Variants in PIWIL3 observed in about 807,000 individuals in gnomAD.
PIWIL3 encodes piwi like RNA-mediated gene silencing 3.
In PIWIL3, 101 loss-of-function variants were observed where a neutral mutation model predicts 109.7. The ratio of observed to expected loss-of-function variants is 0.92; its 90% confidence interval spans 0.78 to 1.09. The LOEUF (loss-of-function observed/expected upper bound fraction) is 1.09, where lower values mean the gene tolerates loss of function less well. Among genes scored for constraint, PIWIL3 ranks in the 50% least tolerant of loss-of-function variants. The pLI is 0.00. For missense variants in PIWIL3, 1,031 were observed against 1,072.6 expected (o/e 0.96, Z 0.54); for synonymous variants, 373 against 376.4 (o/e 0.99, Z 0.10).
At chr22:24,755,721 C>T in intron 6 of PIWIL3, 63 bp downstream of exon 6, 2 of 1,594,910 alleles carry the variant, frequency 1.3e-6, no homozygotes, top group Non-Finnish European at 1.7e-6. Context: ...TGGCTGTATT[C>T]CACACCACTA....
At chr22:24,745,829 A>C (rs1450884954) in intron 12 of PIWIL3, among the ~76,000 whole-genome samples, 1 of 152,066 alleles carries the variant, frequency 6.6e-6, no homozygotes. Flanking sequence ...TACTATGAGC[A>C]ACTATATGCC....
intron 5 of PIWIL3, 84 bp from the exon 6 acceptor site, chr22:24,755,989 C>T: frequency 6.9e-7 from 1 of 1,442,640 alleles, no homozygotes; most frequent in African/African-American, 1.4e-5. Flanking sequence ...CACCATGTCA[C>T]CTGGCTATCC....
At chr22:24,761,132 G>A (rs991510011) in intron 2 of PIWIL3, among the ~76,000 whole-genome samples, 20 of 152,186 alleles carry the variant, frequency 1.3e-4, no homozygotes, top group South Asian at 2.1e-4. Flanking sequence ...ACGGACACCC[G>A]TGGGGGTGTT....
chr22:24,744,188 A>ATT (rs1924195227), intron 12 of PIWIL3, among the ~76,000 whole-genome samples: 3 of 145,822 alleles, frequency 2.1e-5, no homozygotes, highest in East Asian at 2.0e-4. Flanking sequence ...TAAAAAAAAA[A>ATT]AAAAAAAAAA....
At chr22:24,723,047 G>T in intron 19 of PIWIL3, 83 bp downstream of exon 19, 4 of 1,452,106 alleles carry the variant, frequency 2.8e-6, no homozygotes, top group Non-Finnish European at 3.8e-6. Context: ...TTAAGGTAAA[G>T]TTATTGGAAT....
chr22:24,745,732 A>C (rs1468798359), intron 12 of PIWIL3, among the ~76,000 whole-genome samples: 1 of 151,164 alleles, frequency 6.6e-6, no homozygotes, highest in East Asian at 1.9e-4. Context: ...AAAAAAAAAA[A>C]AAAAAAGAAG....
In PIWIL3 at chr22:24,728,724, T is replaced by G. The variant is rs568507017; in HGVS notation, c.1708-350A>C. Among the ~76,000 whole-genome samples, 3 of 152,322 alleles carry G rather than the reference T, an allele frequency of 2.0e-5. 1 individual carries two copies. Among genetic ancestry groups the G allele is most frequent in the African/African-American group, 7.2e-5 (3 of 41,576 alleles). ...TTGTAAATTATAGTTAACATTGTTA[T>G]AAATTACAATTATAAATTACATCAA... On this transcript the variant is annotated intron_variant, in intron 14 of 20. Coordinates refer to ENST00000616349, the MANE Select transcript of PIWIL3 (RefSeq NM_001255975.1).
chr22:24,755,984 T>C (rs758179337), intron 5 of PIWIL3, 79 bp from the exon 6 acceptor site: 7 of 1,479,156 alleles, frequency 4.7e-6, no homozygotes, highest in Admixed American at 1.9e-5. Flanking sequence ...CAAATCACCA[T>C]GTCACCTGGC....
chr22:24,754,636 C>A, intron 7 of PIWIL3, 148 bp downstream of exon 7: 1 of 619,144 alleles, frequency 1.6e-6, no homozygotes, highest in South Asian at 2.2e-5. Context: ...ACTGAGTTGA[C>A]ATTACACTAA....
At chr22:24,723,417 G>A (rs769733540) in intron 18 of PIWIL3, among the ~76,000 whole-genome samples, 162 bp from the exon 19 acceptor site, 9 of 152,166 alleles carry the variant, frequency 5.9e-5, no homozygotes, top group Non-Finnish European at 1.2e-4. Context: ...GTGCCCGGTT[G>A]AAGCAGTAAA....
At chr22:24,724,842 G>C in intron 18 of PIWIL3, 45 bp downstream of exon 18, 1 of 1,580,190 alleles carries the variant, frequency 6.3e-7, no homozygotes, top group South Asian at 1.1e-5. Context: ...AAAGTGCTGG[G>C]ATTACAGGCA....
In PIWIL3 at chr22:24,724,962, T is replaced by C. The variant is rs1922904921; in HGVS notation, c.2156A>G (p.Asp719Gly). Residue 719 changes from aspartate to glycine, a missense_variant, in exon 18 of 21, where the codon GAT becomes GGT. Transcript: ENST00000616349. ...SVIVYRDGVG[D>G]GQLQALLDHE... ...GTCAAGCAATGCTTGAAGCTGACCA[T>C]CTCCCACTCCATCCCGATACACAAT... 3 of 1,613,990 alleles carry C rather than the reference T, an allele frequency of 1.9e-6. No individual in the cohort carries two copies. The African/African-American group carries it at 4.0e-5, about 22-fold the overall frequency.
chr22:24,764,739 A>G (rs1925689302), intron 1 of PIWIL3, among the ~76,000 whole-genome samples: 1 of 148,902 alleles, frequency 6.7e-6, no homozygotes, highest in Non-Finnish European at 1.5e-5. Context: ...TGCAACCTCA[A>G]CCTCCCGGGC....
rs1360242150 is a variant in PIWIL3, at chr22:24,723,239, T to C, written c.2248A>G (p.Ile750Val). 1 of 1,611,366 alleles carries C rather than the reference T, an allele frequency of 6.2e-7. No homozygotes were observed. The highest frequency in any genetic ancestry group is 1.7e-5 in the Admixed American group (1 of 60,016). ...GTGTTTATTCGTTTCTTCACCACAA[T>C]GAAAGCTAGAGTGAAACTTAAAAAA... ...ISPNNFTLAF[I>V]VVKKRINTRF... is the part of the protein sequence containing the mutation. Residue 750 changes from isoleucine (I) to valine (V), a missense_variant, in exon 19 of 21, where the codon ATT (isoleucine) becomes GTT (valine). Physicochemically the swap from Ile to Val is conservative, Grantham distance 29. Coordinates refer to ENST00000616349, the MANE Select transcript of PIWIL3 (RefSeq NM_001255975.1).
intron 12 of PIWIL3, among the ~76,000 whole-genome samples, chr22:24,738,229 C>T (rs1184549545): frequency 6.6e-6 from 1 of 152,210 alleles, no homozygotes; most frequent in Non-Finnish European, 1.5e-5. Context: ...AGCTCAGCCA[C>T]AGTACAAAAG....
At chr22:24,761,158 G>A (rs924807551) in intron 2 of PIWIL3, among the ~76,000 whole-genome samples, 2 of 151,940 alleles carry the variant, frequency 1.3e-5, no homozygotes, top group Admixed American at 6.6e-5. Context: ...GTGCAGGAGA[G>A]GTTCTGGCCA....
chr22:24,746,323 A>G (rs550946126), intron 12 of PIWIL3, among the ~76,000 whole-genome samples: 3 of 152,218 alleles, frequency 2.0e-5, no homozygotes, highest in South Asian at 2.1e-4. Context: ...ACAAACTCAT[A>G]TGATCATTTC....
At chr22:24,726,866 T>C (rs956954424) in intron 16 of PIWIL3, among the ~76,000 whole-genome samples, 1 of 152,212 alleles carries the variant, frequency 6.6e-6, no homozygotes, top group African/African-American at 2.4e-5. Flanking sequence ...CAATCATTAT[T>C]AAACAGAGGT....
chr22:24,748,915 T>C lies in PIWIL3; in HGVS notation c.1441A>G (p.Arg481Gly), dbSNP rs747786392. The C allele has an allele frequency of 1.9e-6, 3 of 1,608,608 alleles. No individual in the cohort carries two copies. The highest frequency in any genetic ancestry group is 1.7e-4 in the Middle Eastern group (1 of 6,046). The stretch of plus-strand genomic sequence containing the variant: ...TTTTGAAACTGTCTTACCATTCTTC[T>C]GCCTTGCACGATGTTTGCGTTTTTC... ...VLKNANIVQG[R>G]RMVKANSQGD... is the part of the protein sequence containing the mutation. Residue 481 changes from arginine to glycine, a missense_variant, in exon 12 of 21, where the codon AGA becomes GGA. Physicochemically the swap from Arg to Gly is moderately radical, Grantham distance 125. Transcript: ENST00000616349.
Sources: allele counts gnomAD v4.1 joint callset (sites outside exome capture counted in the v4.1 genomes callset), GRCh38; gene constraint gnomAD v4.1.1; transcripts MANE v1.5; gene names NCBI Gene and HGNC (gene_info 2026-07-23, HGNC 2026-07-21).